The following NMNAT2 variants were observed in gnomAD, a reference collection of about 807,000 sequenced individuals.
NMNAT2 encodes nicotinamide/nicotinic acid mononucleotide adenylyltransferase 2.
In NMNAT2, 11 loss-of-function variants were observed where a neutral mutation model predicts 41.6. The ratio of observed to expected loss-of-function variants is 0.26; its 90% CI spans 0.17 to 0.44. The LOEUF (loss-of-function observed/expected upper bound fraction) is 0.44. NMNAT2 is among the 20% of genes least tolerant of loss of function. The pLI, the probability that NMNAT2 is intolerant of heterozygous loss-of-function variation, is 1.00. For missense variants in NMNAT2, 288 were observed against 407.7 expected (o/e 0.71, Z 2.53); for synonymous variants, 148 against 151.2 (o/e 0.98, Z 0.16).
At chr1:183,297,379 A>G (rs1416270460) in intron 1 of NMNAT2, among the ~76,000 whole-genome samples, 1 of 115,738 alleles carries the variant, frequency 8.6e-6, no homozygotes, top group Non-Finnish European at 1.9e-5. Context: ...AAAAGGAAGG[A>G]ACCCTTTTTT....
At chr1:183,403,093 C>A (rs1186376119) in intron 1 of NMNAT2, among the ~76,000 whole-genome samples, 1 of 151,904 alleles carries the variant, frequency 6.6e-6, no homozygotes, top group Non-Finnish European at 1.5e-5. Flanking sequence ...GCCATCACGT[C>A]CAGCTAATTT....
At chr1:183,396,602 G>T (rs1557899593) in intron 1 of NMNAT2, among the ~76,000 whole-genome samples, 1 of 152,038 alleles carries the variant, frequency 6.6e-6, no homozygotes. Context: ...TGCTAGTCAG[G>T]CCACTGCACA....
At chr1:183,304,740 C>T (rs750932931) in intron 1 of NMNAT2, 2 of 1,614,044 alleles carry the variant, frequency 1.2e-6, no homozygotes, top group Non-Finnish European at 1.7e-6. Context: ...GGATTTCCAT[C>T]TATTTGTCTG....
At position 183,400,174 on chromosome 1, in the gene NMNAT2, A is replaced by T. The variant is rs573491804; in HGVS notation, c.85+18009T>A. Among the ~76,000 whole-genome samples, 14 of 152,346 alleles carry T rather than the reference A, an allele frequency of 9.2e-5. No individual in the cohort carries two copies. The South Asian group carries it at 2.7e-3, about 29-fold the overall frequency. ...TATATTTAGAAAACCCCATCGTCTC[A>T]GCCCAAAATCTCCTTAAGCTGATAA... On this transcript the variant is annotated intron_variant, in intron 1 of 10. Transcript: ENST00000287713.
chr1:183,297,267 A>C (rs1661726326), intron 1 of NMNAT2, among the ~76,000 whole-genome samples: 1 of 152,014 alleles, frequency 6.6e-6, no homozygotes, highest in African/African-American at 2.4e-5. Context: ...TGAGGATCAA[A>C]TCAAATTACG....
At chr1:183,308,676 A>G (rs564298556) in intron 1 of NMNAT2, among the ~76,000 whole-genome samples, 46 of 152,242 alleles carry the variant, frequency 3.0e-4, no homozygotes, top group African/African-American at 1.1e-3. Flanking sequence ...AGTAGGTGGG[A>G]AAAAAAATCA....
chr1:183,400,154 T>G (rs979199172), intron 1 of NMNAT2, among the ~76,000 whole-genome samples: 1 of 152,064 alleles, frequency 6.6e-6, no homozygotes, highest in Non-Finnish European at 1.5e-5. Flanking sequence ...GATTGTATAT[T>G]TAGAAAACCC....
intron 1 of NMNAT2, among the ~76,000 whole-genome samples, chr1:183,417,179 T>C (rs995833934): frequency 6.6e-6 from 1 of 152,066 alleles, no homozygotes; most frequent in Non-Finnish European, 1.5e-5. Context: ...CCGCGTGGCT[T>C]CCCACCGGTG....
chr1:183,346,348 A>G (rs509168), intron 1 of NMNAT2, among the ~76,000 whole-genome samples: 111,178 of 152,018 alleles, frequency 0.73, 40,858 homozygotes, highest in East Asian at 0.9. Flanking sequence ...CCCAGCCATA[A>G]CCAACATGTT....
At chr1:183,311,965 C>T (rs1165076119) in intron 1 of NMNAT2, among the ~76,000 whole-genome samples, 1 of 152,004 alleles carries the variant, frequency 6.6e-6, no homozygotes, top group Non-Finnish European at 1.5e-5. Context: ...GGGGAGTTTC[C>T]CTGCACAAGC....
At chr1:183,396,288 G>T (rs1352288872) in intron 1 of NMNAT2, among the ~76,000 whole-genome samples, 1 of 152,080 alleles carries the variant, frequency 6.6e-6, no homozygotes, top group Non-Finnish European at 1.5e-5. Flanking sequence ...GGAATGTCAG[G>T]CAACAATCAG....
At chr1:183,371,634 A>T (rs967155001) in intron 1 of NMNAT2, among the ~76,000 whole-genome samples, 1 of 152,162 alleles carries the variant, frequency 6.6e-6, no homozygotes, top group Non-Finnish European at 1.5e-5. Flanking sequence ...CTTAAAAAAC[A>T]TTTTTTTAAA....
At chr1:183,353,697 T>C (rs1663117024) in intron 1 of NMNAT2, among the ~76,000 whole-genome samples, 1 of 152,174 alleles carries the variant, frequency 6.6e-6, no homozygotes, top group Admixed American at 6.5e-5. Context: ...GTTTTCAAAG[T>C]AGCAGTTGAC....
rs752102156 is a variant in NMNAT2, at chr1:183,355,411, C to T, written c.86-61618G>A. ...AAATGATTGGGCGGCACTCCAGGCCCACTGAATCAGAGACCGAGGGTGGGA... is the reference window on the plus strand; with the variant it reads ...AAATGATTGGGCGGCACTCCAGGCCTACTGAATCAGAGACCGAGGGTGGGA... On this transcript the variant is annotated intron_variant, in intron 1 of 10. Transcript: ENST00000287713. Among the ~76,000 whole-genome samples the T allele has an allele frequency of 6.6e-4, 101 of 152,316 alleles. 1 individual carries two copies. The highest frequency in any genetic ancestry group is 6.5e-4 in the Non-Finnish European group (44 of 68,036).
At chr1:183,278,149 C>T (rs749752509) in intron 8 of NMNAT2, among the ~76,000 whole-genome samples, 4 of 152,180 alleles carry the variant, frequency 2.6e-5, no homozygotes, top group Admixed American at 1.3e-4. Context: ...GACCAATTTT[C>T]TCTTTTTGAG....
At chr1:183,267,507 T>C (rs1370732661) in intron 8 of NMNAT2, among the ~76,000 whole-genome samples, 1 of 152,158 alleles carries the variant, frequency 6.6e-6, no homozygotes, top group Non-Finnish European at 1.5e-5. Context: ...GCTAATATTC[T>C]GGCTTGTTTA....
At chr1:183,286,186 C>T (rs1661392929) in intron 5 of NMNAT2, among the ~76,000 whole-genome samples, 1 of 152,200 alleles carries the variant, frequency 6.6e-6, no homozygotes, top group Admixed American at 6.5e-5. Context: ...ATCCTCCCAC[C>T]TCAGCCTTCT....
intron 1 of NMNAT2, among the ~76,000 whole-genome samples, chr1:183,390,521 T>C (rs1648448443): frequency 6.6e-6 from 1 of 152,212 alleles, no homozygotes; most frequent in African/African-American, 2.4e-5. Context: ...TTGATTCTGA[T>C]GGTAGTTATA....
intron 1 of NMNAT2, among the ~76,000 whole-genome samples, chr1:183,327,399 A>C (rs918469502): frequency 1.3e-5 from 2 of 152,178 alleles, no homozygotes; most frequent in Non-Finnish European, 2.9e-5. Flanking sequence ...ACAGACATTT[A>C]AGATAACTTC....
Sources: allele counts gnomAD v4.1 joint callset (sites outside exome capture counted in the v4.1 genomes callset), GRCh38; gene constraint gnomAD v4.1.1; transcripts MANE v1.5; gene names NCBI Gene and HGNC (gene_info 2026-07-23, HGNC 2026-07-21).